Variants in ABR observed in about 807,000 individuals in gnomAD.
ABR encodes the protein ABR activator of RhoGEF and GTPase.
ABR carries 35 observed loss-of-function variants against 107.2 expected under a neutral mutation model. The observed-to-expected ratio is 0.33, with a 90% confidence interval of 0.25 to 0.43. The LOEUF (loss-of-function observed/expected upper bound fraction) is 0.43. Among genes scored for constraint, ABR ranks in the 20% least tolerant of loss-of-function variants. ABR has a pLI of 1.00. For synonymous variants in ABR, 498 were observed against 462.0 expected (o/e 1.08, Z -1.00); for missense variants, 815 against 1,115.2 (o/e 0.73, Z 3.83).
chr17:1,057,305 GGTTTGTGTGTGTGTGTGT>G (rs58946995), intron 12 of ABR, among the ~76,000 whole-genome samples: 42,699 of 136,140 alleles, frequency 0.31, 8,580 homozygotes, highest in East Asian at 0.39. Context: ...TAACTGAAGA[GGTTTGTGTGTGTGTGTGT>G]GTGTGTGTGT....
intron 2 of ABR, among the ~76,000 whole-genome samples, chr17:1,101,871 C>T (rs1471590725): frequency 6.6e-6 from 1 of 151,810 alleles, no homozygotes; most frequent in Non-Finnish European, 1.5e-5. Flanking sequence ...GTAGCTGGGA[C>T]TACAGGCTCC....
intron 3 of ABR, among the ~76,000 whole-genome samples, chr17:1,099,374 C>T (rs1053236090): frequency 6.6e-6 from 1 of 152,168 alleles, no homozygotes; most frequent in Admixed American, 6.5e-5. Flanking sequence ...CGGCGCCCGG[C>T]CTGCACCTGC....
At chr17:1,131,043 T>TC (rs201875584) in intron 1 of ABR, among the ~76,000 whole-genome samples, 8 of 123,214 alleles carry the variant, frequency 6.5e-5, no homozygotes, top group Admixed American at 6.3e-4. Context: ...CACACAGCTC[T>TC]CCCCTTTGCA....
At chr17:1,098,047 G>C (rs1185721072) in intron 3 of ABR, among the ~76,000 whole-genome samples, 4 of 151,932 alleles carry the variant, frequency 2.6e-5, no homozygotes, top group Non-Finnish European at 4.4e-5. Flanking sequence ...TTTATGTAGG[G>C]CTTGCCCAAA....
intron 2 of ABR, among the ~76,000 whole-genome samples, chr17:1,120,816 C>T (rs764013508): frequency 1.3e-5 from 2 of 152,154 alleles, no homozygotes; most frequent in Non-Finnish European, 2.9e-5. Flanking sequence ...AGTGACACCC[C>T]TCAGGCCACA....
intron 1 of ABR, among the ~76,000 whole-genome samples, chr17:1,161,768 T>G (rs1328299642): frequency 1.3e-5 from 2 of 152,124 alleles, no homozygotes; most frequent in African/African-American, 4.8e-5. Flanking sequence ...TTGGCCAGGC[T>G]GGTCTCAAAC....
chr17:1,138,456 C>CT (rs913878296), intron 1 of ABR, among the ~76,000 whole-genome samples: 4 of 151,872 alleles, frequency 2.6e-5, no homozygotes, highest in Admixed American at 6.6e-5. Flanking sequence ...ACTTGAAAAG[C>CT]TTTTTTTTGT....
chr17:1,191,094 T>A (rs2042421586), upstream of ABR, among the ~76,000 whole-genome samples: 1 of 152,204 alleles, frequency 6.6e-6, no homozygotes, highest in African/African-American at 2.4e-5. Flanking sequence ...ACTCCAGGTC[T>A]GCTGGGGGCC....
At chr17:1,125,043 G>A (rs2039528598) in intron 2 of ABR, 140 bp downstream of exon 2, 2 of 833,854 alleles carry the variant, frequency 2.4e-6, no homozygotes, top group South Asian at 2.0e-5. Flanking sequence ...AGGACGAGAT[G>A]ACGAGGCACC....
chr17:1,103,966 CTT>C (rs1015832822), intron 2 of ABR, among the ~76,000 whole-genome samples: 17 of 152,170 alleles, frequency 1.1e-4, no homozygotes, highest in African/African-American at 2.7e-4. Flanking sequence ...CAGGGCGTCT[CTT>C]GTCTCATCAA....
At position 1,027,700 on chromosome 17, in the gene ABR, G is replaced by A. The variant is rs897587137; in HGVS notation, c.1792-14536C>T. Among the ~76,000 whole-genome samples the A allele has an allele frequency of 6.6e-6, 1 of 152,056 alleles. No individual in the cohort carries two copies. Among genetic ancestry groups the A allele is most frequent in the Admixed American group, 6.6e-5 (1 of 15,266 alleles). ...TGGTGTAGGGGCCTCCAGCTCTCGGGGGAGGCAGCACTGTAGTCCCCTGTC... is the reference window on the plus strand; with the variant it reads ...TGGTGTAGGGGCCTCCAGCTCTCGGAGGAGGCAGCACTGTAGTCCCCTGTC... On this transcript the variant is annotated intron_variant, in intron 16 of 22. Transcript: ENST00000302538. The surrounding 1 kb of genome is among the most constrained non-coding windows in gnomAD (Gnocchi z 4.7).
intron 1 of ABR, among the ~76,000 whole-genome samples, chr17:1,132,563 A>G (rs1056642678): frequency 1 from 151,919 of 151,928 alleles, 75,955 homozygotes; most frequent in Middle Eastern, 1. Context: ...ATTTTTAGTA[A>G]AGACGGGGTT....
At chr17:1,214,339 G>GTGTA (rs142324302) in intron 1 of ABR, among the ~76,000 whole-genome samples, 2 of 151,066 alleles carry the variant, frequency 1.3e-5, no homozygotes, top group African/African-American at 2.4e-5. Context: ...GGATGTGTGT[G>GTGTA]TATATATATA....
intron 1 of ABR, among the ~76,000 whole-genome samples, chr17:1,214,780 A>G (rs1191918454): frequency 6.9e-6 from 1 of 145,906 alleles, no homozygotes; most frequent in Non-Finnish European, 1.5e-5. Context: ...CAGCCTAGGC[A>G]ACAAGAGCGA....
At chr17:1,054,967 G>A (rs963796373) in intron 14 of ABR, among the ~76,000 whole-genome samples, 2 of 152,146 alleles carry the variant, frequency 1.3e-5, no homozygotes, top group Non-Finnish European at 2.9e-5. Flanking sequence ...CCTCTGTGAT[G>A]TTAAGTCTTT....
chr17:1,130,718 C>A (rs183067571), intron 1 of ABR, among the ~76,000 whole-genome samples: 7 of 152,202 alleles, frequency 4.6e-5, no homozygotes, highest in Non-Finnish European at 7.4e-5. Context: ...AGATCATTGT[C>A]GATTAACCGG....
rs1164633466 is a variant in ABR, at chr17:1,179,925, C to T, written c.-198G>A. The T allele has an allele frequency of 1.1e-5, 5 of 443,890 alleles. No homozygotes were observed. Among genetic ancestry groups the T allele is most frequent in the Non-Finnish European group, 1.9e-5 (5 of 269,062 alleles). The allele number at this position is 443,890 out of a possible 1,614,324, so 27.5% of individuals were successfully genotyped here. A position where few individuals can be genotyped will look rare whatever the true frequency, so the allele number is the denominator to read the frequency against. ...CGGGAGCCCCCAAAACCCTCCCGAACCCTCCCGGCCCCAGCGGCCGCGCCG... is the reference window on the plus strand; with the variant it reads ...CGGGAGCCCCCAAAACCCTCCCGAATCCTCCCGGCCCCAGCGGCCGCGCCG... On this transcript the variant is annotated 5_prime_UTR_variant, in exon 1 of 23. Coordinates refer to ENST00000302538, the MANE Select transcript of ABR (RefSeq NM_021962.5). The surrounding 1 kb of genome is among the most constrained non-coding windows in gnomAD (Gnocchi z 4.9).
rs564286588 is a variant in ABR, at chr17:1,052,312, C to T, written c.1562-1678G>A. On this transcript the variant is annotated intron_variant, in intron 14 of 22. Coordinates refer to ENST00000302538, the MANE Select transcript of ABR (RefSeq NM_021962.5). The stretch of plus-strand genomic sequence containing the variant: ...AAGTGCTGTCATCATGGATTGATCT[C>T]GGTGTGAGCCCCTCCTCGAGGGGCT... Among the ~76,000 whole-genome samples, 7 of 150,356 alleles carry T rather than the reference C, an allele frequency of 4.7e-5. No homozygotes were observed. In the South Asian group the frequency reaches 1.3e-3, roughly 27 times the overall value.
At chr17:1,110,866 C>T (rs1260916407) in intron 2 of ABR, among the ~76,000 whole-genome samples, 1 of 152,232 alleles carries the variant, frequency 6.6e-6, no homozygotes, top group Admixed American at 6.5e-5. Context: ...CTGGTTTTCC[C>T]CTGTCCCTGC....
Sources: allele counts gnomAD v4.1 joint callset (sites outside exome capture counted in the v4.1 genomes callset), GRCh38; gene constraint gnomAD v4.1.1; non-coding constraint Gnocchi (gnomAD v3.1); transcripts MANE v1.5; gene names NCBI Gene and HGNC (gene_info 2026-07-23, HGNC 2026-07-21).